ARHGAP24: variants seen among roughly 807,000 people sequenced by gnomAD.
ARHGAP24 encodes the protein Rho GTPase activating protein 24, also known as rho GTPase-activating protein 24.
Under a neutral mutation model 76.4 loss-of-function variants are expected in ARHGAP24, and 50 were observed. The observed-to-expected ratio is 0.65, with a 90% CI of 0.52 to 0.83. ARHGAP24 has a LOEUF of 0.83. Ranked by LOEUF, ARHGAP24 falls within the 40% of genes least tolerant of loss-of-function variation. ARHGAP24 has a pLI of 0.00. For synonymous variants in ARHGAP24, 345 were observed against 323.3 expected, an observed-to-expected ratio of 1.07 and a Z score of -0.72; for missense variants, 930 against 914.2, an observed-to-expected ratio of 1.02 and a Z score of -0.22.
At chr4:85,877,077 ATC>A (rs148980944) in intron 3 of ARHGAP24, among the ~76,000 whole-genome samples, 1,881 of 152,266 alleles carry the variant, frequency 0.012, 43 homozygotes, top group African/African-American at 0.043. Flanking sequence ...AGCCATCTCT[ATC>A]TCTATGTATC....
At chr4:85,519,994 G>A (rs188778566) in intron 1 of ARHGAP24, among the ~76,000 whole-genome samples, 15 of 151,946 alleles carry the variant, frequency 9.9e-5, no homozygotes, top group South Asian at 8.3e-4. Context: ...CTCACCTTTC[G>A]TGTTTACTTT....
At chr4:85,576,728 G>C (rs1323189546) in intron 2 of ARHGAP24, among the ~76,000 whole-genome samples, 1 of 152,072 alleles carries the variant, frequency 6.6e-6, no homozygotes, top group Admixed American at 6.6e-5. Flanking sequence ...TATATGAAGT[G>C]AAAGTATTAT....
chr4:85,561,097 T>C (rs1726578406), intron 1 of ARHGAP24, among the ~76,000 whole-genome samples: 1 of 152,200 alleles, frequency 6.6e-6, no homozygotes, highest in Non-Finnish European at 1.5e-5. Flanking sequence ...TATTGTGGTG[T>C]AGAACACTGA....
intron 3 of ARHGAP24, among the ~76,000 whole-genome samples, chr4:85,803,931 CT>C (rs1226822655): frequency 1.6e-4 from 24 of 146,740 alleles, no homozygotes; most frequent in South Asian, 1.1e-3. Flanking sequence ...TGGACAAATT[CT>C]TTTTTTTTTC....
Position 85,496,860 on chromosome 4 carries a change from C to T in ARHGAP24, c.-21+21301C>T, listed in dbSNP as rs539291952. 1.1e-4 allele frequency among the ~76,000 whole-genome samples: 16 copies of T among 152,254 alleles called. No homozygotes were observed. In the South Asian group the frequency reaches 3.3e-3, roughly 32 times the overall value. ...GTGTTTTGGTGAAAGTCTATCCTTT[C>T]TGAGAAAAGTCCCGCCAACAAAATA... On this transcript the variant is annotated intron_variant, in intron 1 of 9. Transcript: ENST00000395184.
At chr4:85,917,642 T>C (rs1248588318) in intron 3 of ARHGAP24, among the ~76,000 whole-genome samples, 3 of 152,340 alleles carry the variant, frequency 2.0e-5, no homozygotes, top group East Asian at 3.9e-4. Flanking sequence ...GTGGTTTTGA[T>C]TTGCATTTCT....
chr4:85,932,847 T>G (rs146963223), intron 4 of ARHGAP24, among the ~76,000 whole-genome samples: 160 of 152,332 alleles, frequency 1.1e-3, no homozygotes, highest in African/African-American at 3.6e-3. Context: ...TCTGTTGAAG[T>G]GCTGCGTGCC....
chr4:85,500,753 C>T (rs1723770330), intron 1 of ARHGAP24, among the ~76,000 whole-genome samples: 1 of 152,080 alleles, frequency 6.6e-6, no homozygotes. Flanking sequence ...TTCTAGGGTA[C>T]ATGTGCACAA....
intron 1 of ARHGAP24, among the ~76,000 whole-genome samples, chr4:85,529,349 T>C (rs934474265): frequency 1.3e-5 from 2 of 152,060 alleles, no homozygotes; most frequent in African/African-American, 4.8e-5. Flanking sequence ...TTTTGGACTA[T>C]GAAAATACTG....
chr4:85,652,898 T>C (rs1721998330), intron 2 of ARHGAP24, among the ~76,000 whole-genome samples: 1 of 152,122 alleles, frequency 6.6e-6, no homozygotes, highest in Non-Finnish European at 1.5e-5. Flanking sequence ...CTGAGTTTTT[T>C]GTTTGTTTGT....
chr4:85,740,315 TG>T (rs750834291), intron 3 of ARHGAP24, among the ~76,000 whole-genome samples: 2 of 150,606 alleles, frequency 1.3e-5, no homozygotes, highest in Non-Finnish European at 3.0e-5. Context: ...CTCCCACTCC[TG>T]GGTTCAGGCG....
intron 3 of ARHGAP24, among the ~76,000 whole-genome samples, chr4:85,862,085 C>G (rs770520968): frequency 1.5e-4 from 23 of 152,068 alleles, no homozygotes; most frequent in South Asian, 1.5e-3. Flanking sequence ...TGCCTTCCCC[C>G]CTTCTCTAAT....
chr4:85,689,857 C>A (rs375621728), intron 2 of ARHGAP24, among the ~76,000 whole-genome samples: 3 of 152,266 alleles, frequency 2.0e-5, no homozygotes, highest in East Asian at 1.9e-4. Context: ...CCTTTTATTT[C>A]TTTCTTTTGC....
At chr4:85,908,397 C>A (rs1734888416) in intron 3 of ARHGAP24, among the ~76,000 whole-genome samples, 1 of 152,086 alleles carries the variant, frequency 6.6e-6, no homozygotes, top group African/African-American at 2.4e-5. Context: ...AGTGACTTGG[C>A]AGTCTTGAAA....
At chr4:85,608,770 G>A (rs1211196853) in intron 2 of ARHGAP24, among the ~76,000 whole-genome samples, 3 of 151,980 alleles carry the variant, frequency 2.0e-5, no homozygotes, top group East Asian at 3.9e-4. Flanking sequence ...ATGTTGGCCA[G>A]ACTGGTCTCG....
intron 3 of ARHGAP24, among the ~76,000 whole-genome samples, chr4:85,817,404 C>A (rs1311644154): frequency 1.3e-5 from 2 of 152,056 alleles, no homozygotes; most frequent in African/African-American, 2.4e-5. Flanking sequence ...ATGTTCAATT[C>A]TATAATCCAT....
chr4:85,734,335 C>G (rs1725523673), intron 3 of ARHGAP24, among the ~76,000 whole-genome samples: 1 of 151,864 alleles, frequency 6.6e-6, no homozygotes, highest in Non-Finnish European at 1.5e-5. Flanking sequence ...GACATCTAGC[C>G]TTAGTGCTGT....
intron 2 of ARHGAP24, among the ~76,000 whole-genome samples, chr4:85,709,510 T>C (rs558273380): frequency 6.6e-6 from 1 of 152,094 alleles, no homozygotes; most frequent in Non-Finnish European, 1.5e-5. Flanking sequence ...AAAAAAAACC[T>C]CCAGCCATCA....
At chr4:85,492,485 G>A (rs994678922) in intron 1 of ARHGAP24, among the ~76,000 whole-genome samples, 1 of 152,042 alleles carries the variant, frequency 6.6e-6, no homozygotes, top group African/African-American at 2.4e-5. Flanking sequence ...CTGTGATAAT[G>A]GATTCAAAAA....
Sources: gnomAD v4.1 joint callset for allele counts (sites outside exome capture counted in the v4.1 genomes callset) on GRCh38, gnomAD v4.1.1 for gene constraint, MANE v1.5 for transcripts, NCBI Gene and HGNC (gene_info 2026-07-23, HGNC 2026-07-21) for gene names.